The following PARPBP variants were observed in gnomAD, a reference collection of about 807,000 sequenced individuals.
PARPBP encodes PARP1 binding protein.
In PARPBP, 52 loss-of-function variants were observed where a neutral mutation model predicts 50.0. The observed-to-expected ratio is 1.04, with a 90% confidence interval of 0.83 to 1.31. The LOEUF (loss-of-function observed/expected upper bound fraction) is 1.31, where lower values mean the gene tolerates loss of function less well. Among genes scored for constraint, PARPBP ranks in the 50% most tolerant of loss-of-function variants. PARPBP has a pLI of 0.00. For synonymous variants in PARPBP, 244 were observed against 232.1 expected (o/e 1.05, Z -0.47); for missense variants, 697 against 672.0 (o/e 1.04, Z -0.41).
chr12:102,196,546 C>A lies in PARPBP; in HGVS notation c.*255C>A. On this transcript the variant is annotated 3_prime_UTR_variant, in exon 11 of 11. Coordinates refer to ENST00000327680, the MANE Select transcript of PARPBP (RefSeq NM_017915.5). ...ATCTTAACACTACTTTCTTTTAAAACAGACATTTAACATACACAAGTTATA... is the reference window on the plus strand; with the variant it reads ...ATCTTAACACTACTTTCTTTTAAAAAAGACATTTAACATACACAAGTTATA... 1 of 863,236 alleles carries A rather than the reference C, an allele frequency of 1.2e-6. No homozygotes were observed. The highest frequency in any genetic ancestry group is 2.0e-6 in the Non-Finnish European group (1 of 507,806). 53.5% of individuals were successfully genotyped at this position (863,236 alleles called of 1,614,324 possible).
intron 2 of PARPBP, among the ~76,000 whole-genome samples, chr12:102,131,882 G>A (rs768347350): frequency 3.9e-5 from 6 of 152,074 alleles, no homozygotes; most frequent in Non-Finnish European, 5.9e-5. Flanking sequence ...ATAACTAATG[G>A]GCACTTGGCT....
chr12:102,189,219 A>G (rs796145598), intron 9 of PARPBP, among the ~76,000 whole-genome samples: 2 of 152,320 alleles, frequency 1.3e-5, no homozygotes, highest in African/African-American at 4.8e-5. Context: ...CTTTACAAAT[A>G]TAAAGTTGCC....
intron 2 of PARPBP, among the ~76,000 whole-genome samples, chr12:102,129,431 T>C (rs1342798614): frequency 6.6e-6 from 1 of 152,206 alleles, no homozygotes; most frequent in East Asian, 1.9e-4. Context: ...ATTGTTTCCT[T>C]GGCTGTGCAG....
At chr12:102,179,596 GTCT>G (rs1889636280) in intron 8 of PARPBP, among the ~76,000 whole-genome samples, 1 of 152,094 alleles carries the variant, frequency 6.6e-6, no homozygotes, top group East Asian at 1.9e-4. Flanking sequence ...AGATCTCTTT[GTCT>G]TCTTGTAAGG....
intron 4 of PARPBP, among the ~76,000 whole-genome samples, chr12:102,163,111 GTCTTT>G (rs1423712838): frequency 6.6e-6 from 1 of 152,218 alleles, no homozygotes; most frequent in Non-Finnish European, 1.5e-5. Flanking sequence ...TGAAAAGACT[GTCTTT>G]TCTTCATTGT....
At chr12:102,173,077 A>G (rs1372162271) in intron 6 of PARPBP, among the ~76,000 whole-genome samples, 2 of 152,210 alleles carry the variant, frequency 1.3e-5, no homozygotes, top group Non-Finnish European at 2.9e-5. Context: ...TGCGTTGGTA[A>G]GTAGGCAAAT....
In PARPBP at chr12:102,170,850, A is replaced by T. The variant is rs540473764; in HGVS notation, c.822-4633A>T. 4.0e-5 allele frequency among the ~76,000 whole-genome samples: 6 copies of T among 151,686 alleles called. No individual in the cohort carries two copies. The South Asian group carries it at 1.2e-3, about 31-fold the overall frequency. Reference sequence around the variant, plus strand: ...AAACACAAATACATTGTACAGCTGTACAGAATTTTTTTCTCTGTATCCTTA... The same window carrying T: ...AAACACAAATACATTGTACAGCTGTTCAGAATTTTTTTCTCTGTATCCTTA... On this transcript the variant is annotated intron_variant, in intron 6 of 10. Coordinates refer to ENST00000327680, the MANE Select transcript of PARPBP (RefSeq NM_017915.5).
chr12:102,146,007 A>G (rs1046792814), intron 2 of PARPBP, among the ~76,000 whole-genome samples: 2 of 152,176 alleles, frequency 1.3e-5, no homozygotes, highest in Non-Finnish European at 2.9e-5. Flanking sequence ...CCAACTTACA[A>G]AGGATGTGAA....
At chr12:102,151,204 A>G (rs1221658762) in intron 3 of PARPBP, among the ~76,000 whole-genome samples, 1 of 152,176 alleles carries the variant, frequency 6.6e-6, no homozygotes, top group Non-Finnish European at 1.5e-5. Context: ...AAAATTCAAG[A>G]ATAGCACCTC....
At chr12:102,131,197 C>T (rs1322774683) in intron 2 of PARPBP, among the ~76,000 whole-genome samples, 1 of 152,088 alleles carries the variant, frequency 6.6e-6, no homozygotes, top group Non-Finnish European at 1.5e-5. Context: ...TGGTGGCATG[C>T]ACCTGTATTC....
intron 6 of PARPBP, among the ~76,000 whole-genome samples, chr12:102,174,617 C>T (rs1012780966): frequency 6.6e-6 from 1 of 152,174 alleles, no homozygotes; most frequent in Non-Finnish European, 1.5e-5. Flanking sequence ...TCTCATTTGG[C>T]ACTGTGCTGC....
chr12:102,186,982 A>G (rs2137163061), intron 9 of PARPBP, among the ~76,000 whole-genome samples: 1 of 151,796 alleles, frequency 6.6e-6, no homozygotes, highest in Middle Eastern at 3.4e-3. Flanking sequence ...ATTTAACCCC[A>G]TGGTATTAGA....
intron 4 of PARPBP, among the ~76,000 whole-genome samples, chr12:102,155,602 G>GT (rs1374870449): frequency 2.5e-5 from 3 of 121,930 alleles, no homozygotes; most frequent in Non-Finnish European, 3.4e-5. Flanking sequence ...GGTGGGGGGG[G>GT]GGGGCGGGGA....
intron 3 of PARPBP, chr12:102,151,438 G>T (rs536638738): frequency 4.7e-6 from 3 of 638,716 alleles, no homozygotes; most frequent in East Asian, 5.5e-5. Context: ...ATAAAATGTA[G>T]CACCTCTGCA....
Position 102,165,809 on chromosome 12 carries a change from T to A in PARPBP, c.747T>A (p.His249Gln). Residue 249 changes from histidine (H) to glutamine (Q), a missense_variant, in exon 6 of 11, where the codon CAT (histidine) becomes CAA (glutamine). Transcript: ENST00000327680. ...APPPSDPLRT[H>Q]VKGLSNFINF... ...CACCATCAGATCCTTTAAGGACACA[T>A]GTAAAGGGATTGTCTAATTTTATTA... is the stretch of plus-strand genomic sequence containing the variant. 1.9e-6 allele frequency: 3 copies of A among 1,585,436 alleles called. No homozygotes were observed. Among genetic ancestry groups the A allele is most frequent in the Non-Finnish European group, 2.6e-6 (3 of 1,154,362 alleles).
chr12:102,131,842 C>T lies in PARPBP; in HGVS notation c.153+7801C>T, dbSNP rs149915445. On this transcript the variant is annotated intron_variant, in intron 2 of 10. Transcript: ENST00000327680. Reference sequence around the variant, plus strand: ...GGTACTGGGGCCTACTGAAGGGTGACGGGTGGGAGGAGGGAGAGGATCAGG... The same window carrying T: ...GGTACTGGGGCCTACTGAAGGGTGATGGGTGGGAGGAGGGAGAGGATCAGG... Among the ~76,000 whole-genome samples, 370 of 152,172 alleles carry T rather than the reference C, an allele frequency of 2.4e-3. 3 individuals carry two copies. The highest frequency in any genetic ancestry group is 8.1e-3 in the African/African-American group (336 of 41,536).
At chr12:102,136,284 C>A (rs189272190) in intron 2 of PARPBP, among the ~76,000 whole-genome samples, 1 of 152,222 alleles carries the variant, frequency 6.6e-6, no homozygotes, top group Admixed American at 6.5e-5. Context: ...ACCTTGGTGA[C>A]CATACACTGG....
chr12:102,195,431 G>GGAAAATGACCTTTCTATTTCTGGTAATT lies in PARPBP; in HGVS notation c.1398_1399insATTTCTGGTAATTGAAAATGACCTTTCT (p.Glu467IlefsTer5). On this transcript the variant is annotated frameshift_variant, in exon 10 of 11. Coordinates refer to ENST00000327680, the MANE Select transcript of PARPBP (RefSeq NM_017915.5). LOFTEE classifies it low-confidence loss of function (END_TRUNC). The stretch of plus-strand genomic sequence containing the variant: ...CAAAGCCTTTGTGTGTTCTTTACAT[G>GGAAAATGACCTTTCTATTTCTGGTAATT]GAAAATGACCTTTCTGGTAATTGAC... 6.3e-7 allele frequency: 1 copy of GGAAAATGACCTTTCTATTTCTGGTAATT among 1,588,528 alleles called. No individual in the cohort carries two copies.
intron 2 of PARPBP, among the ~76,000 whole-genome samples, chr12:102,142,420 T>C (rs547592449): frequency 6.6e-6 from 1 of 152,340 alleles, no homozygotes; most frequent in South Asian, 2.1e-4. Flanking sequence ...TTCTTTGCAA[T>C]GGGTTTAAAC....
Sources: gnomAD v4.1 joint callset for allele counts (sites outside exome capture counted in the v4.1 genomes callset) on GRCh38, gnomAD v4.1.1 for gene constraint, MANE v1.5 for transcripts, NCBI Gene and HGNC (gene_info 2026-07-23, HGNC 2026-07-21) for gene names.